MTRR: variants seen among roughly 807,000 people sequenced by gnomAD.
The protein encoded by MTRR is 5-methyltetrahydrofolate-homocysteine methyltransferase reductase.
In MTRR, 63 loss-of-function variants were observed where a neutral mutation model predicts 79.2. The ratio of observed to expected loss-of-function variants is 0.80; its 90% CI spans 0.65 to 0.98. MTRR has a LOEUF of 0.98. Ranked by LOEUF, MTRR falls within the 50% of genes least tolerant of loss-of-function variation. The pLI, the probability that MTRR is intolerant of heterozygous loss-of-function variation, is 0.00. For synonymous variants in MTRR, 355 were observed against 313.3 expected (o/e 1.13, Z -1.41); for missense variants, 895 against 839.6 (o/e 1.07, Z -0.82).
At chr5:7,887,834 G>A (rs374345190) in intron 8 of MTRR, among the ~76,000 whole-genome samples, 5 of 114,246 alleles carry the variant, frequency 4.4e-5, no homozygotes, top group African/African-American at 1.1e-4. Flanking sequence ...ATATATATGG[G>A]TTTTTTCAAA....
upstream of MTRR, chr5:7,867,414 T>C: frequency 2.5e-6 from 4 of 1,614,208 alleles, no homozygotes; most frequent in Non-Finnish European, 3.4e-6. Flanking sequence ...GTAATCAGAC[T>C]TTCCCCAAGA....
chr5:7,885,924 G>A, intron 7 of MTRR, 70 bp downstream of exon 7: 1 of 1,602,448 alleles, frequency 6.2e-7, no homozygotes, highest in African/African-American at 1.3e-5. Context: ...TGAGAGTGTG[G>A]CTCTAAGGTT....
At chr5:7,862,853 T>A (rs761430314) in intron 2 of MTRR, 56 of 1,613,726 alleles carry the variant, frequency 3.5e-5, no homozygotes, top group Non-Finnish European at 4.6e-5. Context: ...GTCAACACTT[T>A]TGGAGCAAAA....
At chr5:7,866,616 T>C (rs773596657), upstream of MTRR, 4 of 1,509,654 alleles carry the variant, frequency 2.6e-6, no homozygotes, top group Non-Finnish European at 3.6e-6. Context: ...GTTACTTTTT[T>C]CCAACTGTCA....
At chr5:7,851,673 T>C (rs1390307415) in intron 1 of MTRR, 1 of 152,116 alleles carries the variant, frequency 6.6e-6, no homozygotes, top group Non-Finnish European at 1.5e-5. Context: ...GTTACAGTAT[T>C]GGCCAGTGCA....
At chr5:7,877,354 A>G (rs926023315) in intron 4 of MTRR, among the ~76,000 whole-genome samples, 1 of 152,010 alleles carries the variant, frequency 6.6e-6, no homozygotes, top group African/African-American at 2.4e-5. Context: ...TCCTGTTGTC[A>G]GCCTCCCTGG....
chr5:7,855,616 A>G (rs1042224245), intron 1 of MTRR, among the ~76,000 whole-genome samples: 1 of 152,080 alleles, frequency 6.6e-6, no homozygotes, highest in Admixed American at 6.5e-5. Context: ...GTGGCCTCCC[A>G]AAGCACTGGG....
At chr5:7,870,668 G>A (rs1340000598) in intron 1 of MTRR, 102 bp from the exon 2 acceptor site, 17 of 1,237,356 alleles carry the variant, frequency 1.4e-5, no homozygotes, top group South Asian at 8.8e-5. Flanking sequence ...CATATTATGT[G>A]TGGGTATTGT....
intron 14 of MTRR, among the ~76,000 whole-genome samples, chr5:7,899,020 G>A (rs958372635): frequency 3.3e-5 from 5 of 152,056 alleles, no homozygotes; most frequent in Non-Finnish European, 5.9e-5. Context: ...GAAGGCAAAG[G>A]GGGAGCAGGC....
At chr5:7,851,568 C>T (rs1052082309) in exon 1 of MTRR, 1 of 152,252 alleles carries the variant, frequency 6.6e-6, no homozygotes, top group African/African-American at 2.4e-5. Context: ...CCACGTGTGT[C>T]GTTTCTTATT....
At chr5:7,866,961 T>C (rs1561107139), upstream of MTRR, 2 of 1,614,192 alleles carry the variant, frequency 1.2e-6, no homozygotes, top group Non-Finnish European at 1.7e-6. Context: ...CAGTACTCCA[T>C]GACCCTGCAG....
At chr5:7,876,752 A>G (rs1734620948) in intron 4 of MTRR, among the ~76,000 whole-genome samples, 1 of 152,202 alleles carries the variant, frequency 6.6e-6, no homozygotes, top group Non-Finnish European at 1.5e-5. Context: ...GCCTCTGTGC[A>G]ATAGATAACA....
In MTRR at chr5:7,870,420, G is replaced by A. The variant is rs568928637; in HGVS notation, c.-25-350G>A. 258 of 314,916 alleles carry A rather than the reference G, an allele frequency of 8.2e-4. 1 individual carries two copies. Among genetic ancestry groups the A allele is most frequent in the Non-Finnish European group, 1.3e-3 (211 of 163,140 alleles). The allele number at this position is 314,916 out of a possible 1,614,324, so 19.5% of individuals were successfully genotyped here. A position where few individuals can be genotyped will look rare whatever the true frequency, so the allele number is the denominator to read the frequency against. On this transcript the variant is annotated intron_variant, in intron 1 of 14. Transcript: ENST00000440940. ...TGGCTTGTGCCACATCGTTTTTCAG[G>A]TAGGTGGTAATACTCTCATTTTTAG...
intron 1 of MTRR, among the ~76,000 whole-genome samples, chr5:7,854,497 A>T (rs1746171904): frequency 6.6e-6 from 1 of 152,182 alleles, no homozygotes; most frequent in Non-Finnish European, 1.5e-5. Context: ...TTGGACTTAG[A>T]GTTCCACATG....
rs917341336 is a variant in MTRR at position 7,900,695 on chromosome 5, T to C, written c.*637T>C. ...TTTAAAATTTCACTCTGGCATATGA[T>C]TTATCTATCACCATTACTTTTTTTT... On this transcript the variant is annotated 3_prime_UTR_variant, in exon 15 of 15. Transcript: ENST00000440940. The C allele has an allele frequency of 6.5e-6, 1 of 152,868 alleles. No individual in the cohort carries two copies. Among genetic ancestry groups the C allele is most frequent in the Non-Finnish European group, 1.5e-5 (1 of 68,210 alleles). The allele number at this position is 152,868 out of a possible 1,614,324, so 9.5% of individuals were successfully genotyped here. A position where few individuals can be genotyped will look rare whatever the true frequency, so the allele number is the denominator to read the frequency against.
At chr5:7,878,497 C>A (rs891270899) in intron 5 of MTRR, among the ~76,000 whole-genome samples, 175 bp downstream of exon 5, 1 of 152,240 alleles carries the variant, frequency 6.6e-6, no homozygotes, top group Non-Finnish European at 1.5e-5. Context: ...CATGCCTATT[C>A]ATTTAGGTAG....
At chr5:7,854,916 C>T (rs942282216) in intron 1 of MTRR, among the ~76,000 whole-genome samples, 4 of 152,170 alleles carry the variant, frequency 2.6e-5, no homozygotes, top group African/African-American at 9.7e-5. Flanking sequence ...CTTCTTCTGC[C>T]TGCTTTTATA....
rs760268961 is a variant in MTRR at position 7,889,132 on chromosome 5, G to A, written c.1184G>A (p.Ser395Asn). 6.2e-7 allele frequency: 1 copy of A among 1,614,060 alleles called. No homozygotes were observed. Among genetic ancestry groups the A allele is most frequent in the South Asian group, 1.1e-5 (1 of 91,086 alleles). ...LRALVDYTSD[S>N]AEKRRLQELC... ...GCCCTTGTGGACTATACCAGTGACAGTGCTGAAAAGCGCAGGCTACAGGAG... is the reference window on the plus strand; with the variant it reads ...GCCCTTGTGGACTATACCAGTGACAATGCTGAAAAGCGCAGGCTACAGGAG... Residue 395 changes from serine to asparagine, a missense_variant, in exon 9 of 15, where the codon AGT becomes AAT. Transcript: ENST00000440940.
At chr5:7,862,671 A>G (rs1398590634) in intron 2 of MTRR, 2 of 667,074 alleles carry the variant, frequency 3.0e-6, no homozygotes, top group African/African-American at 1.8e-5. Context: ...TCTTGACTCA[A>G]CGGCTCTGCT....
Sources: allele counts gnomAD v4.1 joint callset (sites outside exome capture counted in the v4.1 genomes callset), GRCh38; gene constraint gnomAD v4.1.1; transcripts MANE v1.5; gene names NCBI Gene and HGNC (gene_info 2026-07-23, HGNC 2026-07-21).